The following CTSB variants were observed in gnomAD, a reference collection of about 807,000 sequenced individuals.
The protein encoded by CTSB is cathepsin B.
A neutral mutation model predicts 44.3 loss-of-function variants in CTSB; 57 were observed. The ratio of observed to expected loss-of-function variants is 1.29; its 90% CI spans 1.04 to 1.60. The LOEUF (loss-of-function observed/expected upper bound fraction) is 1.60, where lower values mean the gene tolerates loss of function less well. Ranked by LOEUF, CTSB falls within the 40% of genes most tolerant of loss-of-function variation. The pLI, the probability that CTSB is intolerant of heterozygous loss-of-function variation, is 0.00. For synonymous variants in CTSB, 320 were observed against 168.0 expected (o/e 1.91, Z -7.00); for missense variants, 768 against 443.0 (o/e 1.73, Z -6.59).
chr8:11,847,713 G>C lies in CTSB; in HGVS notation c.642C>G (p.Gly214=), dbSNP rs746439870. The C allele has an allele frequency of 6.3e-7, 1 of 1,591,282 alleles. No homozygotes were observed. The highest frequency in any genetic ancestry group is 8.5e-7 in the Non-Finnish European group (1 of 1,170,972). The change falls in exon 7 of 10, where the codon GGC becomes GGG. Residue 214 remains glycine (G), a synonymous_variant. Transcript: ENST00000353047. ...TGTCCTGTTTGTAGGTCGGGCTGTA[G>C]CCAGGCTCACAGATCTTGCTACACT... ...TPKCSKICEP[G]YSPTYKQDKH...
In CTSB at chr8:11,845,736, G is replaced by A. The variant is rs1255804208; in HGVS notation, c.847C>T (p.Leu283=). 2 of 1,614,008 alleles carry A rather than the reference G, an allele frequency of 1.2e-6. No individual in the cohort carries two copies. Among genetic ancestry groups the A allele is most frequent in the Non-Finnish European group, 8.5e-7 (1 of 1,179,978 alleles). The change falls in exon 9 of 10, where the codon CTG becomes TTG. Residue 283 remains leucine, a synonymous_variant. Coordinates refer to ENST00000353047, the MANE Select transcript of CTSB (RefSeq NM_001908.5). The part of the protein sequence containing the change: ...EMMGGHAIRI[L]GWGVENGTPY... Reference sequence around the variant, plus strand: ...GTGCCATTCTCCACTCCCCAGCCCAGGATGCGGATGGCATGGCCACCCATC... The same window carrying A: ...GTGCCATTCTCCACTCCCCAGCCCAAGATGCGGATGGCATGGCCACCCATC...
chr8:11,861,483 T>A (rs868593653), intron 1 of CTSB: 51 of 152,288 alleles, frequency 3.3e-4, no homozygotes, highest in African/African-American at 1.2e-3. Context: ...AAGACACCTA[T>A]GAGTGGAATA....
chr8:11,866,427 T>A (rs141111503), intron 1 of CTSB, among the ~76,000 whole-genome samples: 1 of 152,144 alleles, frequency 6.6e-6, no homozygotes, highest in Non-Finnish European at 1.5e-5. Flanking sequence ...CACCAGGGGG[T>A]ACCCCCAGCT....
At chr8:11,860,999 G>T (rs1319641055) in intron 1 of CTSB, among the ~76,000 whole-genome samples, 1 of 152,224 alleles carries the variant, frequency 6.6e-6, no homozygotes, top group Non-Finnish European at 1.5e-5. Flanking sequence ...GCTCTGTTGT[G>T]ACCCAGAGAC....
At chr8:11,847,975 C>G (rs1039108707) in intron 6 of CTSB, 92 bp downstream of exon 6, 1 of 1,363,652 alleles carries the variant, frequency 7.3e-7, no homozygotes, top group Non-Finnish European at 1.0e-6. Flanking sequence ...CCCTCTGTCT[C>G]AACCCCCAGT....
In CTSB at chr8:11,847,088, A is replaced by G. The variant is rs1287775293; in HGVS notation, c.757T>C (p.Phe253Leu). Residue 253 changes from phenylalanine to leucine, a missense_variant, in exon 8 of 10, where the codon TTC becomes CTC. Coordinates refer to ENST00000353047, the MANE Select transcript of CTSB (RefSeq NM_001908.5). ...AGCAGGAAGTCCGAATACACAGAGA[A>G]AGCTCCCTCCACGGGGCCGTTTTTG... ...IYKNGPVEGA[F>L]SVYSDFLLYK... is the part of the protein sequence containing the mutation. 6.2e-7 allele frequency: 1 copy of G among 1,612,902 alleles called. No individual in the cohort carries two copies. Among genetic ancestry groups the G allele is most frequent in the Non-Finnish European group, 8.5e-7 (1 of 1,178,898 alleles).
intron 4 of CTSB, 120 bp downstream of exon 4, chr8:11,850,746 A>T (rs1814435264): frequency 1.6e-6 from 1 of 612,502 alleles, no homozygotes; most frequent in African/African-American, 1.8e-5. Flanking sequence ...GGAAACTGGG[A>T]CTCAGAAAGT....
chr8:11,855,952 C>T (rs1157221025), intron 1 of CTSB, among the ~76,000 whole-genome samples: 1 of 152,004 alleles, frequency 6.6e-6, no homozygotes, highest in South Asian at 2.1e-4. Flanking sequence ...CACTTGAACC[C>T]AGGAGGTGGA....
At chr8:11,858,867 C>T (rs1815942587) in intron 1 of CTSB, among the ~76,000 whole-genome samples, 1 of 152,214 alleles carries the variant, frequency 6.6e-6, no homozygotes, top group Admixed American at 6.5e-5. Flanking sequence ...ATTTTCACTT[C>T]CCTTTATATA....
At chr8:11,850,448 AAAAG>A (rs1814370472) in intron 4 of CTSB, among the ~76,000 whole-genome samples, 2 of 149,618 alleles carry the variant, frequency 1.3e-5, no homozygotes, top group South Asian at 2.1e-4. Context: ...AAAAGAAAGA[AAAAG>A]AAAACAAAAG....
At chr8:11,856,704 G>T (rs1018631015) in intron 1 of CTSB, among the ~76,000 whole-genome samples, 1 of 152,120 alleles carries the variant, frequency 6.6e-6, no homozygotes, top group African/African-American at 2.4e-5. Flanking sequence ...AGCAAGCTGT[G>T]GGTGACTGAG....
In CTSB at chr8:11,850,907, T is replaced by C. The variant is rs369986037; in HGVS notation, c.286A>G (p.Ile96Val). ...GAGCCCTGGTCTCTGATCTCTTTGA[T>C]GGTGGGACACTGTGGCCATTGTTCC... Reference protein sequence around the residue: ...AREQWPQCPTIKEIRDQGSCG... With the variant: ...AREQWPQCPTVKEIRDQGSCG... The change falls in exon 4 of 10, where the codon ATC becomes GTC. Residue 96 changes from isoleucine to valine, a missense_variant. By Grantham distance (29) the Ile-to-Val change is conservative (BLOSUM62 3). Coordinates refer to ENST00000353047, the MANE Select transcript of CTSB (RefSeq NM_001908.5). 2 of 1,613,634 alleles carry C rather than the reference T, an allele frequency of 1.2e-6. No individual in the cohort carries two copies. Among genetic ancestry groups the C allele is most frequent in the Admixed American group, 1.7e-5 (1 of 60,006 alleles).
chr8:11,852,994 G>A (rs998589239), intron 2 of CTSB, among the ~76,000 whole-genome samples: 2 of 152,182 alleles, frequency 1.3e-5, no homozygotes, highest in African/African-American at 4.8e-5. Context: ...GGAATCAGGG[G>A]CGGGACTGAT....
Position 11,852,607 on chromosome 8 carries a change from C to T in CTSB, c.212+3G>A, listed in dbSNP as rs369448047. 42 of 1,612,366 alleles carry T rather than the reference C, an allele frequency of 2.6e-5. No homozygotes were observed. Among genetic ancestry groups the T allele is most frequent in the Non-Finnish European group, 3.3e-5 (39 of 1,179,038 alleles). On this transcript the variant is annotated splice_donor_region_variant and intron_variant, in intron 3 of 9. Coordinates refer to ENST00000353047, the MANE Select transcript of CTSB (RefSeq NM_001908.5). ...ACAGCGGTGCAGAGGAGCAGGCACT[C>T]ACCTCTGGGGTGGCTTGGGCCCACC...
At chr8:11,858,483 T>C (rs1212273136) in intron 1 of CTSB, among the ~76,000 whole-genome samples, 1 of 151,900 alleles carries the variant, frequency 6.6e-6, no homozygotes, top group Non-Finnish European at 1.5e-5. Context: ...AGAGATGGGG[T>C]TTTGCTATGT....
chr8:11,865,090 A>C (rs537996330), intron 1 of CTSB, among the ~76,000 whole-genome samples: 31 of 152,180 alleles, frequency 2.0e-4, no homozygotes, highest in African/African-American at 7.2e-4. Flanking sequence ...GCTGCCTGCC[A>C]CCCTGATATC....
intron 8 of CTSB, chr8:11,846,064 T>C: frequency 3.6e-6 from 1 of 276,650 alleles, no homozygotes; most frequent in Non-Finnish European, 6.7e-6. Context: ...TAATACATTC[T>C]AATTGATAAA....
At position 11,853,339 on chromosome 8, in the gene CTSB, G is replaced by T; in HGVS notation, c.116C>A (p.Thr39Asn). Reference protein sequence around the residue: ...ELVNYVNKRNTTWQAGHNFYN... With the variant: ...ELVNYVNKRNNTWQAGHNFYN... ...AGCCCCACAGCCTACCTGCCACGTGGTATTCCGTTTGTTGACATAGTTGAC... is the reference window on the plus strand; with the variant it reads ...AGCCCCACAGCCTACCTGCCACGTGTTATTCCGTTTGTTGACATAGTTGAC... The change falls in exon 2 of 10, where the codon ACC becomes AAC. Residue 39 changes from threonine to asparagine, a missense_variant. Coordinates refer to ENST00000353047, the MANE Select transcript of CTSB (RefSeq NM_001908.5). The T allele has an allele frequency of 6.2e-7, 1 of 1,613,414 alleles. No individual in the cohort carries two copies. Among genetic ancestry groups the T allele is most frequent in the Non-Finnish European group, 8.5e-7 (1 of 1,179,864 alleles).
At position 11,850,975 on chromosome 8, in the gene CTSB, A is replaced by T. The variant is rs540266331; in HGVS notation, c.218T>A (p.Met73Lys). 6.2e-7 allele frequency: 1 copy of T among 1,610,064 alleles called. No homozygotes were observed. Among genetic ancestry groups the T allele is most frequent in the South Asian group, 1.1e-5 (1 of 90,658 alleles). ...LGGPKPPQRVMFTEDLKLPAS... is the reference protein window; with the variant it reads ...LGGPKPPQRVKFTEDLKLPAS... Reference sequence around the variant, plus strand: ...AGGCAGCTTCAGGTCCTCGGTAAACATAACTCTGGATAAAGGAAGGTCTTC... The same window carrying T: ...AGGCAGCTTCAGGTCCTCGGTAAACTTAACTCTGGATAAAGGAAGGTCTTC... The change falls in exon 4 of 10, where the codon ATG (methionine) becomes AAG (lysine). Residue 73 changes from methionine (M) to lysine (K), a missense_variant. By Grantham distance (95) the Met-to-Lys change is moderately conservative (BLOSUM62 -1). Transcript: ENST00000353047.
Sources: allele counts gnomAD v4.1 joint callset (sites outside exome capture counted in the v4.1 genomes callset), GRCh38; gene constraint gnomAD v4.1.1; transcripts MANE v1.5; gene names NCBI Gene and HGNC (gene_info 2026-07-23, HGNC 2026-07-21).